The following FCHSD2 variants were observed in gnomAD, a reference collection of about 807,000 sequenced individuals.
FCHSD2 encodes the protein FCH and double SH3 domains 2.
Under a neutral mutation model 108.1 loss-of-function variants are expected in FCHSD2, and 38 were observed. The observed-to-expected ratio is 0.35, with a 90% CI of 0.27 to 0.46. FCHSD2 has a LOEUF of 0.46. Among genes scored for constraint, FCHSD2 ranks in the 20% least tolerant of loss-of-function variants. FCHSD2 has a pLI of 1.00. For missense variants in FCHSD2, 751 were observed against 897.8 expected (o/e 0.84, Z 2.09); for synonymous variants, 279 against 314.7 (o/e 0.89, Z 1.20).
In FCHSD2 at chr11:72,962,601, C is replaced by T. The variant is rs188214918; in HGVS notation, c.705+21487G>A. Among the ~76,000 whole-genome samples, 36 of 147,950 alleles carry T rather than the reference C, an allele frequency of 2.4e-4. No individual in the cohort carries two copies. In the South Asian group the frequency reaches 7.0e-3, roughly 29 times the overall value. ...ACTAAGGATATGAACTAAATTCCCC[C>T]TTTTTTTTTTAAACTAAGAATGTTC... is the stretch of plus-strand genomic sequence containing the variant. On this transcript the variant is annotated intron_variant, in intron 8 of 19. Coordinates refer to ENST00000409418, the MANE Select transcript of FCHSD2 (RefSeq NM_014824.3).
At chr11:73,100,305 A>C (rs1461078279) in intron 2 of FCHSD2, among the ~76,000 whole-genome samples, 1 of 152,072 alleles carries the variant, frequency 6.6e-6, no homozygotes, top group Non-Finnish European at 1.5e-5. Context: ...CCTTAAAAGG[A>C]AGGCACTGAC....
At chr11:72,849,624 G>A (rs1861230770) in intron 14 of FCHSD2, 131 bp downstream of exon 14, 2 of 718,928 alleles carry the variant, frequency 2.8e-6, no homozygotes, top group Middle Eastern at 3.9e-4. Flanking sequence ...TCACCATTCT[G>A]TTATGTTGCC....
intron 2 of FCHSD2, among the ~76,000 whole-genome samples, chr11:73,130,163 C>T (rs1294398262): frequency 5.3e-5 from 8 of 152,052 alleles, no homozygotes; most frequent in East Asian, 3.8e-4. Flanking sequence ...TGTGAGCCAC[C>T]GCGCCTGGCC....
At position 72,867,867 on chromosome 11, in the gene FCHSD2, A is replaced by G. The variant is rs1294491034; in HGVS notation, c.1306T>C (p.Ser436Pro). Residue 436 changes from serine to proline, a missense_variant and splice_region_variant, in exon 13 of 20, where the codon TCG becomes CCG. By Grantham distance (74) the Ser-to-Pro change is moderately conservative. Transcript: ENST00000409418. ...ATATCCAAGAAAAGAAATCGTACCG[A>G]GTGTAAAGTGCCATTACTGGTCACT... ...PAVTSNGTLH[S>P]LNADTEREEG... 6.2e-7 allele frequency: 1 copy of G among 1,611,216 alleles called. No homozygotes were observed.
Position 72,898,840 on chromosome 11 carries a change from C to T in FCHSD2, c.924+3703G>A, listed in dbSNP as rs1189198022. Reference sequence around the variant, plus strand: ...CACCTCCCGGGCTCAAGTGATCCTCCCACTTCAGCTTCCTGAGTAGCAGGG... The same window carrying T: ...CACCTCCCGGGCTCAAGTGATCCTCTCACTTCAGCTTCCTGAGTAGCAGGG... On this transcript the variant is annotated intron_variant, in intron 10 of 19. Coordinates refer to ENST00000409418, the MANE Select transcript of FCHSD2 (RefSeq NM_014824.3). Among the ~76,000 whole-genome samples the T allele has an allele frequency of 4.6e-5, 7 of 152,006 alleles. No individual in the cohort carries two copies. In the East Asian group the frequency reaches 1.3e-3, roughly 29 times the overall value.
At chr11:72,912,698 G>T (rs1855788112) in intron 9 of FCHSD2, among the ~76,000 whole-genome samples, 2 of 152,132 alleles carry the variant, frequency 1.3e-5, no homozygotes, top group African/African-American at 2.4e-5. Flanking sequence ...AGTAAAATTG[G>T]TATTAGTTAT....
At chr11:72,979,017 A>G (rs1157959922) in intron 8 of FCHSD2, among the ~76,000 whole-genome samples, 3 of 151,668 alleles carry the variant, frequency 2.0e-5, no homozygotes, top group Non-Finnish European at 4.4e-5. Flanking sequence ...GCCTCCACAC[A>G]CAGCTAATTT....
chr11:73,093,969 G>A (rs1860017411), intron 2 of FCHSD2, among the ~76,000 whole-genome samples: 1 of 151,644 alleles, frequency 6.6e-6, no homozygotes, highest in Non-Finnish European at 1.5e-5. Flanking sequence ...CCAATACTTT[G>A]GAAGGCCGAG....
chr11:73,041,140 C>G (rs868574357), intron 3 of FCHSD2, among the ~76,000 whole-genome samples: 1 of 152,110 alleles, frequency 6.6e-6, no homozygotes, highest in Non-Finnish European at 1.5e-5. Context: ...TTGATGGACA[C>G]GTAGGTTGAT....
intron 8 of FCHSD2, among the ~76,000 whole-genome samples, chr11:72,938,170 G>T (rs1355307339): frequency 4.7e-5 from 6 of 126,594 alleles, no homozygotes; most frequent in Middle Eastern, 4.1e-3. Flanking sequence ...TCCAGATTAT[G>T]AAGGAGTTTT....
At chr11:72,944,134 G>A (rs926731534) in intron 8 of FCHSD2, among the ~76,000 whole-genome samples, 6 of 152,064 alleles carry the variant, frequency 3.9e-5, no homozygotes, top group African/African-American at 1.4e-4. Flanking sequence ...GATGAACATC[G>A]ATGCAAAAAT....
chr11:73,036,279 G>A (rs898984161), intron 3 of FCHSD2, among the ~76,000 whole-genome samples: 8 of 151,556 alleles, frequency 5.3e-5, no homozygotes, highest in Non-Finnish European at 1.2e-4. Flanking sequence ...ATTTTGAAAT[G>A]TGTGAAGGGT....
intron 9 of FCHSD2, among the ~76,000 whole-genome samples, chr11:72,920,249 CA>C (rs1373876769): frequency 1.3e-5 from 2 of 151,884 alleles, no homozygotes; most frequent in African/African-American, 2.4e-5. Flanking sequence ...AGACAGAGGG[CA>C]CACACAATAT....
intron 2 of FCHSD2, among the ~76,000 whole-genome samples, chr11:73,120,586 G>A (rs1036432927): frequency 3.3e-5 from 5 of 151,970 alleles, no homozygotes; most frequent in Admixed American, 6.6e-5. Context: ...AAAATTAGCC[G>A]GGCGTGGTGG....
Position 73,000,851 on chromosome 11 carries a change from A to G in FCHSD2, c.387+139T>C, listed in dbSNP as rs186525797. On this transcript the variant is annotated intron_variant, in intron 5 of 19. Transcript: ENST00000409418. ...TAGTACTTAATGAGAACATGTTGAA[A>G]TCAGAAAATCCTAGTAAAATGTCAA... The G allele has an allele frequency of 3.4e-4, 234 of 689,924 alleles. No homozygotes were observed. In the African/African-American group the frequency reaches 3.9e-3, roughly 12 times the overall value. 42.7% of individuals were successfully genotyped at this position (689,924 alleles called of 1,614,324 possible).
chr11:72,886,590 C>A (rs1855203287), intron 12 of FCHSD2, among the ~76,000 whole-genome samples: 1 of 152,094 alleles, frequency 6.6e-6, no homozygotes, highest in Non-Finnish European at 1.5e-5. Flanking sequence ...TGGTGTCAGT[C>A]TTTTATAAAT....
At chr11:73,101,015 G>A (rs1860212612) in intron 2 of FCHSD2, among the ~76,000 whole-genome samples, 1 of 152,052 alleles carries the variant, frequency 6.6e-6, no homozygotes, top group Non-Finnish European at 1.5e-5. Flanking sequence ...TGCCCAAAAT[G>A]TGCTTATGCT....
chr11:73,018,063 G>A (rs2135435864), intron 3 of FCHSD2, among the ~76,000 whole-genome samples: 1 of 152,242 alleles, frequency 6.6e-6, no homozygotes, highest in African/African-American at 2.4e-5. Flanking sequence ...GTAACATTAT[G>A]AACTCATGTA....
At chr11:72,989,499 G>A (rs563529432) in intron 5 of FCHSD2, among the ~76,000 whole-genome samples, 7 of 152,220 alleles carry the variant, frequency 4.6e-5, no homozygotes, top group Admixed American at 2.6e-4. Context: ...TTGGGTAACC[G>A]ACAGTGCAAA....
Sources: allele counts gnomAD v4.1 joint callset (sites outside exome capture counted in the v4.1 genomes callset), GRCh38; gene constraint gnomAD v4.1.1; transcripts MANE v1.5; gene names NCBI Gene and HGNC (gene_info 2026-07-23, HGNC 2026-07-21).